Variants in MYBPC1 observed in about 807,000 individuals in gnomAD.
The protein encoded by MYBPC1 is myosin binding protein C1.
MYBPC1 carries 52 observed loss-of-function variants against 147.1 expected under a neutral mutation model. The observed-to-expected ratio is 0.35, with a 90% CI of 0.28 to 0.45. The LOEUF (loss-of-function observed/expected upper bound fraction) is 0.45, where lower values mean the gene tolerates loss of function less well. MYBPC1 is among the 20% of genes least tolerant of loss of function. The pLI, the probability that MYBPC1 is intolerant of heterozygous loss-of-function variation, is 1.00. For missense variants in MYBPC1, 1,228 were observed against 1,440.3 expected (o/e 0.85, Z 2.39); for synonymous variants, 477 against 475.9 (o/e 1.00, Z -0.03).
chr12:101,685,607 C>T lies in MYBPC1; in HGVS notation c.*45C>T, dbSNP rs73390504. On this transcript the variant is annotated 3_prime_UTR_variant, in exon 32 of 32. Transcript: ENST00000361466. ...GTGGGCTCTCCTTCTGCAGACTCCT[C>T]TTGCAAGGCGTACCTCCAAACATAA... 2.2e-3 allele frequency: 3,424 copies of T among 1,534,288 alleles called. 49 individuals carry two copies. The African/African-American group carries it at 0.039, about 17-fold the overall frequency.
At chr12:101,657,948 G>A (rs942638971) in intron 18 of MYBPC1, among the ~76,000 whole-genome samples, 3 of 151,944 alleles carry the variant, frequency 2.0e-5, no homozygotes, top group Admixed American at 6.6e-5. Flanking sequence ...GGCTAATACG[G>A]TGAAACCCCG....
intron 1 of MYBPC1, among the ~76,000 whole-genome samples, 164 bp from the exon 2 acceptor site, chr12:101,614,332 G>T (rs1029841892): frequency 2.0e-5 from 3 of 152,118 alleles, no homozygotes; most frequent in Non-Finnish European, 4.4e-5. Flanking sequence ...GTGTGAGAGA[G>T]AGAGAGAGAG....
chr12:101,612,745 G>T (rs755166451), intron 1 of MYBPC1, among the ~76,000 whole-genome samples: 5 of 152,168 alleles, frequency 3.3e-5, no homozygotes, highest in Admixed American at 6.5e-5. Flanking sequence ...TTGGCATCTC[G>T]CTCTCAGTAT....
intron 5 of MYBPC1, 118 bp from the exon 6 acceptor site, chr12:101,629,316 A>G (rs1215732020): frequency 4.1e-6 from 3 of 736,548 alleles, no homozygotes; most frequent in Non-Finnish European, 7.3e-6. Flanking sequence ...TGTTGTATTT[A>G]TCTAGGTTTA....
Position 101,652,741 on chromosome 12 carries a change from T to C in MYBPC1, c.1590T>C (p.Pro530=). 6.2e-7 allele frequency: 1 copy of C among 1,614,044 alleles called. No individual in the cohort carries two copies. Residue 530 remains proline (P), a synonymous_variant, in exon 17 of 32, where the codon CCT becomes CCC. Coordinates refer to ENST00000361466, the MANE Select transcript of MYBPC1 (RefSeq NM_002465.4). Reference sequence around the variant, plus strand: ...ATGAAGGTGATTATGTATTTGCACCTGATGCCTACAATGTTACTCTGCCTG... The same window carrying C: ...ATGAAGGTGATTATGTATTTGCACCCGATGCCTACAATGTTACTCTGCCTG... ...TEDEGDYVFA[P]DAYNVTLPAK...
chr12:101,659,369 T>G (rs1896132143), intron 18 of MYBPC1, among the ~76,000 whole-genome samples: 1 of 152,210 alleles, frequency 6.6e-6, no homozygotes, highest in East Asian at 1.9e-4. Context: ...TAGTGGGCTT[T>G]GGGATCAAAT....
intron 5 of MYBPC1, 132 bp downstream of exon 5, chr12:101,627,936 C>T (rs1404231182): frequency 6.6e-6 from 7 of 1,059,910 alleles, no homozygotes; most frequent in Admixed American, 2.0e-5. Context: ...TCTTTCATTA[C>T]GTTTCCTCTT....
rs1478958841 is a variant in MYBPC1, at chr12:101,651,379, G to T, written c.1512G>T (p.Val504=). 3.7e-6 allele frequency: 6 copies of T among 1,613,978 alleles called. No individual in the cohort carries two copies. The East Asian group carries it at 1.3e-4, about 36-fold the overall frequency. Reference sequence around the variant, plus strand: ...TTCAGGAGAGTGACCGTCTAAAGGTGGTTCACAAGGGAAGGTAAGCGAGCC... The same window carrying T: ...TTCAGGAGAGTGACCGTCTAAAGGTTGTTCACAAGGGAAGGTAAGCGAGCC... ...LPVQESDRLK[V]VHKGRIHKLV... The change falls in exon 16 of 32, where the codon GTG becomes GTT. Residue 504 remains valine (V), a synonymous_variant. Transcript: ENST00000361466.
At chr12:101,653,387 T>C in intron 18 of MYBPC1, 139 bp downstream of exon 18, 1 of 1,200,418 alleles carries the variant, frequency 8.3e-7, no homozygotes, top group Non-Finnish European at 1.2e-6. Flanking sequence ...ATGTAATTCC[T>C]TTGAAAAAGA....
At chr12:101,672,302 G>A (rs1898906123) in intron 24 of MYBPC1, among the ~76,000 whole-genome samples, 5 of 152,146 alleles carry the variant, frequency 3.3e-5, no homozygotes, top group Admixed American at 3.3e-4. Flanking sequence ...CATGTTCAGA[G>A]CCCACAGGAA....
At chr12:101,632,412 G>C (rs1346909769) in intron 8 of MYBPC1, among the ~76,000 whole-genome samples, 1 of 152,112 alleles carries the variant, frequency 6.6e-6, no homozygotes, top group Non-Finnish European at 1.5e-5. Context: ...GTCAGTTTTT[G>C]CTGCTACAGA....
rs1407697584 is a variant in MYBPC1, at chr12:101,648,124, G to A, written c.1170G>A (p.Val390=). Residue 390 remains valine, a synonymous_variant, in exon 14 of 32, where the codon GTG becomes GTA. Transcript: ENST00000361466. ...AGAGAGTGGAATTAGAATGTGAGGT[G>A]TCTGAAGATGATGCCAATGTAAAAT... ...CGERVELECE[V]SEDDANVKWF... 6.2e-7 allele frequency: 1 copy of A among 1,611,932 alleles called. No homozygotes were observed. The highest frequency in any genetic ancestry group is 1.7e-5 in the Admixed American group (1 of 59,990).
chr12:101,671,249 G>A (rs1898594331), intron 24 of MYBPC1, among the ~76,000 whole-genome samples: 2 of 151,180 alleles, frequency 1.3e-5, no homozygotes, highest in Admixed American at 1.3e-4. Flanking sequence ...GTACCTTGTG[G>A]CTATCGTATC....
chr12:101,675,502 A>G, intron 26 of MYBPC1, 71 bp downstream of exon 26: 1 of 1,602,934 alleles, frequency 6.2e-7, no homozygotes. Flanking sequence ...GAGATGGCAC[A>G]AGGGCCTCAC....
At chr12:101,636,303 T>C (rs754727610) in intron 9 of MYBPC1, among the ~76,000 whole-genome samples, 11 of 152,184 alleles carry the variant, frequency 7.2e-5, no homozygotes, top group Non-Finnish European at 1.2e-4. Flanking sequence ...CAGCAAAAGT[T>C]CTTTGCTTTT....
intron 3 of MYBPC1, among the ~76,000 whole-genome samples, chr12:101,619,745 G>A (rs766104942): frequency 2.8e-4 from 43 of 152,102 alleles, no homozygotes; most frequent in Non-Finnish European, 3.8e-4. Context: ...TACATTTTCA[G>A]CACTTTAACT....
rs151191623 is a variant in MYBPC1 at position 101,599,306 on chromosome 12, TTTG to T, written c.25+4230_25+4232del. On this transcript the variant is annotated intron_variant, in intron 1 of 31. Coordinates refer to ENST00000361466, the MANE Select transcript of MYBPC1 (RefSeq NM_002465.4). ...TGGGACCATGGTAATAGAGAACAGT[TTTG>T]TTGTTGTTGTTGTTGTTGGGGTCCA... Among the ~76,000 whole-genome samples the T allele has an allele frequency of 0.022, 3,287 of 152,082 alleles. 201 individuals carry two copies. In the East Asian group the frequency reaches 0.23, roughly 10 times the overall value.
intron 3 of MYBPC1, among the ~76,000 whole-genome samples, chr12:101,617,448 A>G (rs1226111572): frequency 6.6e-6 from 1 of 152,268 alleles, no homozygotes; most frequent in African/African-American, 2.4e-5. Flanking sequence ...AAAGAAAAAC[A>G]ACAATGATAA....
the MYBPC1 span, among the ~76,000 whole-genome samples, chr12:101,691,654 A>G: frequency 6.6e-6 from 1 of 152,234 alleles, no homozygotes; most frequent in Non-Finnish European, 1.5e-5. Context: ...TCAGATAAAC[A>G]TTTATGCATC....
Sources: allele counts gnomAD v4.1 joint callset (sites outside exome capture counted in the v4.1 genomes callset), GRCh38; gene constraint gnomAD v4.1.1; transcripts MANE v1.5; gene names NCBI Gene and HGNC (gene_info 2026-07-23, HGNC 2026-07-21).